The following CACNA2D3 variants were observed in gnomAD, a reference collection of about 807,000 sequenced individuals.
CACNA2D3 encodes voltage-dependent calcium channel subunit alpha-2/delta-3.
A neutral mutation model predicts 160.6 loss-of-function variants in CACNA2D3; 60 were observed. The observed-to-expected ratio is 0.37, with a 90% CI of 0.30 to 0.46. CACNA2D3 has a LOEUF of 0.46. CACNA2D3 is among the 20% of genes least tolerant of loss of function. The pLI, the probability that CACNA2D3 is intolerant of heterozygous loss-of-function variation, is 1.00. For synonymous variants in CACNA2D3, 558 were observed against 492.9 expected (o/e 1.13, Z -1.75); for missense variants, 1,205 against 1,365.0 (o/e 0.88, Z 1.85).
intron 18 of CACNA2D3, among the ~76,000 whole-genome samples, chr3:54,872,495 ATC>A (rs1260475905): frequency 2.6e-5 from 4 of 152,018 alleles, no homozygotes; most frequent in East Asian, 1.9e-4. Flanking sequence ...CGTTGTTTCC[ATC>A]TCTCACTGCA....
At chr3:54,192,564 G>T (rs556069652) in intron 2 of CACNA2D3, among the ~76,000 whole-genome samples, 1 of 152,270 alleles carries the variant, frequency 6.6e-6, no homozygotes, top group East Asian at 1.9e-4. Flanking sequence ...TCAGGGTCTT[G>T]GGCAGATGAC....
chr3:55,025,634 C>CAA (rs10717273), intron 35 of CACNA2D3, among the ~76,000 whole-genome samples: 207 of 63,202 alleles, frequency 3.3e-3, no homozygotes, highest in African/African-American at 7.3e-3. Context: ...ACTCTATCTC[C>CAA]AAAAAAAAAA....
intron 3 of CACNA2D3, among the ~76,000 whole-genome samples, chr3:54,324,627 C>T (rs1704082407): frequency 6.6e-6 from 1 of 152,056 alleles, no homozygotes; most frequent in Non-Finnish European, 1.5e-5. Flanking sequence ...CTCCTGCTTG[C>T]TTTTGTGTAT....
chr3:54,532,258 A>G (rs539410720), intron 5 of CACNA2D3, among the ~76,000 whole-genome samples: 2 of 152,206 alleles, frequency 1.3e-5, no homozygotes, highest in African/African-American at 4.8e-5. Context: ...TTTAGCCCCA[A>G]TCCTGTGCTC....
intron 5 of CACNA2D3, among the ~76,000 whole-genome samples, chr3:54,542,345 C>T (rs1471075533): frequency 6.6e-6 from 1 of 152,116 alleles, no homozygotes; most frequent in African/African-American, 2.4e-5. Flanking sequence ...CAGGTGTGAG[C>T]CACCACACCC....
intron 13 of CACNA2D3, among the ~76,000 whole-genome samples, chr3:54,809,767 T>G (rs1203297353): frequency 6.6e-6 from 1 of 152,008 alleles, no homozygotes; most frequent in East Asian, 1.9e-4. Context: ...GATCTTTTTT[T>G]CTTTCTTTCC....
intron 11 of CACNA2D3, among the ~76,000 whole-genome samples, chr3:54,696,972 T>G (rs1700677356): frequency 6.6e-6 from 1 of 151,946 alleles, no homozygotes. Context: ...GCTCTGGAGC[T>G]CTCTTAAAAA....
chr3:54,901,235 G>A (rs61029595), intron 27 of CACNA2D3: 31,231 of 152,194 alleles, frequency 0.21, 3,314 homozygotes, highest in Non-Finnish European at 0.23. Flanking sequence ...GCAGCTGTCA[G>A]TGACATGGTC....
chr3:54,304,604 C>G (rs1158278115), intron 2 of CACNA2D3, among the ~76,000 whole-genome samples: 2 of 152,152 alleles, frequency 1.3e-5, no homozygotes, highest in Non-Finnish European at 2.9e-5. Flanking sequence ...TTGATTACAT[C>G]TACCATCTGA....
intron 4 of CACNA2D3, among the ~76,000 whole-genome samples, chr3:54,466,983 A>G (rs956557960): frequency 6.6e-6 from 1 of 152,234 alleles, no homozygotes; most frequent in Non-Finnish European, 1.5e-5. Flanking sequence ...TGCTGGAAGT[A>G]CCATTCAGTT....
chr3:54,915,103 C>T (rs1700633565), intron 27 of CACNA2D3, among the ~76,000 whole-genome samples: 2 of 152,142 alleles, frequency 1.3e-5, no homozygotes, highest in African/African-American at 4.8e-5. Flanking sequence ...TTAGTCTTGC[C>T]ATTTTTATAA....
intron 11 of CACNA2D3, among the ~76,000 whole-genome samples, chr3:54,696,368 T>C (rs1217758942): frequency 6.6e-6 from 1 of 152,208 alleles, no homozygotes; most frequent in Admixed American, 6.5e-5. Flanking sequence ...ACACTGACAT[T>C]AGGAAACTAT....
chr3:54,516,374 G>A (rs77754384), intron 5 of CACNA2D3, among the ~76,000 whole-genome samples: 1 of 152,054 alleles, frequency 6.6e-6, no homozygotes, highest in Non-Finnish European at 1.5e-5. Context: ...AGTGACAGAG[G>A]TATTTCTGTA....
chr3:54,450,792 G>T (rs1202761769), intron 4 of CACNA2D3, among the ~76,000 whole-genome samples: 1 of 152,096 alleles, frequency 6.6e-6, no homozygotes, highest in Non-Finnish European at 1.5e-5. Context: ...ACAATCTCAT[G>T]TAATTATAAT....
At chr3:54,509,578 G>A (rs934942275) in intron 5 of CACNA2D3, among the ~76,000 whole-genome samples, 3 of 152,082 alleles carry the variant, frequency 2.0e-5, no homozygotes, top group South Asian at 2.1e-4. Flanking sequence ...AATAACACTC[G>A]AGAACCTCCT....
At chr3:54,464,578 C>T (rs548627302) in intron 4 of CACNA2D3, among the ~76,000 whole-genome samples, 59 of 152,296 alleles carry the variant, frequency 3.9e-4, no homozygotes, top group Middle Eastern at 6.8e-3. Flanking sequence ...CCCTCCGAGC[C>T]AAGTGCGGGA....
intron 11 of CACNA2D3, among the ~76,000 whole-genome samples, chr3:54,737,349 G>A (rs72872285): frequency 0.2 from 30,101 of 151,910 alleles, 3,232 homozygotes; most frequent in African/African-American, 0.24. Context: ...GAGAGGAGGA[G>A]GGGTCTTTTG....
intron 2 of CACNA2D3, among the ~76,000 whole-genome samples, chr3:54,233,583 A>G (rs1167569919): frequency 6.6e-6 from 1 of 152,226 alleles, no homozygotes; most frequent in African/African-American, 2.4e-5. Flanking sequence ...GTGAAGTGGC[A>G]CAGTGACTCT....
At chr3:54,843,848 T>A (rs924956682) in intron 16 of CACNA2D3, among the ~76,000 whole-genome samples, 1 of 151,700 alleles carries the variant, frequency 6.6e-6, no homozygotes, top group Admixed American at 6.6e-5. Context: ...AACTGGGGAG[T>A]CTGTGTGGTT....
Sources: allele counts gnomAD v4.1 joint callset (sites outside exome capture counted in the v4.1 genomes callset), GRCh38; gene constraint gnomAD v4.1.1; transcripts MANE v1.5; gene names NCBI Gene and HGNC (gene_info 2026-07-23, HGNC 2026-07-21).